Variants in CEP135 observed in about 807,000 individuals in gnomAD.
CEP135 encodes the protein centrosomal protein 135.
In CEP135, 142 loss-of-function variants were observed where a neutral mutation model predicts 157.3. The ratio of observed to expected loss-of-function variants is 0.90; its 90% CI spans 0.79 to 1.04. The LOEUF (loss-of-function observed/expected upper bound fraction) is 1.04. Ranked by LOEUF, CEP135 falls within the 50% of genes least tolerant of loss-of-function variation. The pLI is 0.00. For synonymous variants in CEP135, 396 were observed against 439.8 expected (o/e 0.90, Z 1.25); for missense variants, 1,317 against 1,309.2 (o/e 1.01, Z -0.09).
chr4:56,011,522 G>T lies in CEP135; in HGVS notation c.2616G>T (p.Lys872Asn), dbSNP rs1257761762. The change falls in exon 20 of 26, where the codon AAG (lysine) becomes AAT (asparagine). Residue 872 changes from lysine to asparagine, a missense_variant and splice_region_variant. Transcript: ENST00000257287. ...GATGGGAGAGCTTAATGGCTGCCAA[G>T]GTGAAAAATATTATTTAGGTTGGAT... ...VSRWESLMAA[K>N]EKENQDLLDR... The T allele has an allele frequency of 9.5e-6, 15 of 1,585,652 alleles. No individual in the cohort carries two copies. The highest frequency in any genetic ancestry group is 1.4e-5 in the African/African-American group (1 of 73,152).
At chr4:55,957,427 T>C (rs1355289007) in intron 5 of CEP135, 63 bp downstream of exon 5, 1 of 1,512,868 alleles carries the variant, frequency 6.6e-7, no homozygotes, top group Non-Finnish European at 9.0e-7. Context: ...GTAAGTTTCT[T>C]GATAGGAGGG....
In CEP135 at chr4:56,009,745, G is replaced by GA; in HGVS notation, c.2350dup (p.Thr784AsnfsTer4). 1 of 1,598,986 alleles carries GA rather than the reference G, an allele frequency of 6.3e-7. No homozygotes were observed. Among genetic ancestry groups the GA allele is most frequent in the Non-Finnish European group, 8.5e-7 (1 of 1,176,402 alleles). On this transcript the variant is annotated frameshift_variant, in exon 19 of 26. Coordinates refer to ENST00000257287, the MANE Select transcript of CEP135 (RefSeq NM_025009.5). LOFTEE classifies it high-confidence loss of function. ...TCACTCATTTAACAGCCAGCTGAAA[G>GA]AAACATTGGTTAATCGAGATCGTGA...
At chr4:55,976,188 AG>A (rs1729208008) in intron 11 of CEP135, among the ~76,000 whole-genome samples, 1 of 151,564 alleles carries the variant, frequency 6.6e-6, no homozygotes, top group South Asian at 2.1e-4. Context: ...CAGGAGTTCG[AG>A]GCTGCAGTGA....
At chr4:55,964,735 C>A (rs1728790256) in intron 7 of CEP135, 1 of 158,334 alleles carries the variant, frequency 6.3e-6, no homozygotes, top group Admixed American at 6.4e-5. Flanking sequence ...AGAGAATATA[C>A]CAAAGTATAC....
Position 56,011,402 on chromosome 4 carries a change from T to C in CEP135, c.2506-10T>C. The C allele has an allele frequency of 6.4e-7, 1 of 1,561,174 alleles. No homozygotes were observed. The highest frequency in any genetic ancestry group is 1.2e-5 in the South Asian group (1 of 85,174). Reference sequence around the variant, plus strand: ...TCATTTTAGATTGTCTTTAATTTTCTGATTTGTAGGAAATCTCATTGGAAT... The same window carrying C: ...TCATTTTAGATTGTCTTTAATTTTCCGATTTGTAGGAAATCTCATTGGAAT... On this transcript the variant is annotated splice_polypyrimidine_tract_variant and intron_variant, in intron 19 of 25. Transcript: ENST00000257287.
At chr4:55,994,702 T>C (rs920219546) in intron 15 of CEP135, among the ~76,000 whole-genome samples, 36 of 151,742 alleles carry the variant, frequency 2.4e-4, no homozygotes, top group Non-Finnish European at 4.9e-4. Flanking sequence ...TTTTTTTTTT[T>C]TGAGACGGAG....
chr4:55,952,350 C>T (rs1429963597), intron 2 of CEP135, 107 bp downstream of exon 2: 1 of 678,156 alleles, frequency 1.5e-6, no homozygotes, highest in Non-Finnish European at 2.6e-6. Context: ...TCCGGAAAGG[C>T]TTTCAATCAT....
chr4:56,020,300 AG>A (rs1730931207), intron 23 of CEP135, among the ~76,000 whole-genome samples: 1 of 152,202 alleles, frequency 6.6e-6, no homozygotes, highest in Non-Finnish European at 1.5e-5. Context: ...TTGTAGGAAG[AG>A]GGAAAGAAAC....
chr4:55,963,120 C>T (rs1728735942), intron 6 of CEP135, among the ~76,000 whole-genome samples: 1 of 152,214 alleles, frequency 6.6e-6, no homozygotes, highest in African/African-American at 2.4e-5. Context: ...GCATACCACT[C>T]ACCAAGTTCT....
At chr4:56,013,048 C>T (rs1730646334) in intron 21 of CEP135, among the ~76,000 whole-genome samples, 1 of 152,138 alleles carries the variant, frequency 6.6e-6, no homozygotes, top group African/African-American at 2.4e-5. Flanking sequence ...CATATCCTTG[C>T]CAACACTTGT....
chr4:55,962,556 A>G (rs939965250), intron 6 of CEP135, among the ~76,000 whole-genome samples: 1 of 152,032 alleles, frequency 6.6e-6, no homozygotes, highest in Non-Finnish European at 1.5e-5. Context: ...TTCTGCACTC[A>G]CTATGTGAAC....
Position 55,954,493 on chromosome 4 carries a change from T to G in CEP135, c.472+110T>G, listed in dbSNP as rs1728451709. ...TTGGATTTTCATGCTTAGACTTTAG[T>G]GTTTGAAAATATATATTGAATAGAC... On this transcript the variant is annotated intron_variant, in intron 4 of 25. Transcript: ENST00000257287. 6.8e-6 allele frequency: 6 copies of G among 884,692 alleles called. No individual in the cohort carries two copies. The South Asian group carries it at 1.3e-4, about 19-fold the overall frequency. The allele number at this position is 884,692 out of a possible 1,614,324, so 54.8% of individuals were successfully genotyped here. A position where few individuals can be genotyped will look rare whatever the true frequency, so the allele number is the denominator to read the frequency against.
rs797004954 is a variant in CEP135, at chr4:56,019,555, T to C, written c.3215T>C (p.Leu1072Ser). Residue 1072 changes from leucine to serine, a missense_variant and splice_region_variant, in exon 23 of 26, where the codon TTA becomes TCA. Physicochemically the swap from Leu to Ser is moderately radical, Grantham distance 145 (BLOSUM62 -2). Transcript: ENST00000257287. ...AAGTTAACCCTTTCTGAAAGCAAATTGTAAGTGTCTTAAGTCAACTTATGC... is the reference window on the plus strand; with the variant it reads ...AAGTTAACCCTTTCTGAAAGCAAATCGTAAGTGTCTTAAGTCAACTTATGC... The part of the protein sequence containing the change: ...KEKLTLSESK[L>S]TSQSRENTML... 16 of 1,606,014 alleles carry C rather than the reference T, an allele frequency of 1.0e-5. No individual in the cohort carries two copies. The African/African-American group carries it at 2.1e-4, about 22-fold the overall frequency.
chr4:56,024,477 C>A, intron 24 of CEP135, 24 bp from the exon 25 acceptor site: 1 of 1,573,044 alleles, frequency 6.4e-7, no homozygotes, highest in South Asian at 1.1e-5. Flanking sequence ...GAATATATCT[C>A]TCTTGTTTGA....
chr4:55,975,147 A>G (rs1729159493), intron 11 of CEP135, among the ~76,000 whole-genome samples, 178 bp downstream of exon 11: 2 of 152,226 alleles, frequency 1.3e-5, no homozygotes, highest in African/African-American at 4.8e-5. Context: ...AAATTACTTA[A>G]GAACAAACTA....
chr4:55,958,206 A>G lies in CEP135; in HGVS notation c.614+842A>G, dbSNP rs371090106. Among the ~76,000 whole-genome samples, 54 of 152,334 alleles carry G rather than the reference A, an allele frequency of 3.5e-4. 2 individuals are homozygous for G. The highest frequency in any genetic ancestry group is 1.3e-3 in the African/African-American group (53 of 41,582). Reference sequence around the variant, plus strand: ...TCCCAGCACTTTGGGAGGCCAAGGCAGGAGGATCGCTTGAACCCATGAATT... The same window carrying G: ...TCCCAGCACTTTGGGAGGCCAAGGCGGGAGGATCGCTTGAACCCATGAATT... On this transcript the variant is annotated intron_variant, in intron 5 of 25. Transcript: ENST00000257287.
chr4:55,990,323 A>C (rs1729742985), intron 14 of CEP135, among the ~76,000 whole-genome samples: 1 of 152,146 alleles, frequency 6.6e-6, no homozygotes, highest in Admixed American at 6.5e-5. Flanking sequence ...AGGGGAGATA[A>C]AATATGTGTG....
chr4:55,985,557 C>T (rs892093535), intron 14 of CEP135, among the ~76,000 whole-genome samples, 199 bp downstream of exon 14: 9 of 152,062 alleles, frequency 5.9e-5, no homozygotes, highest in Non-Finnish European at 7.4e-5. Flanking sequence ...CAGCTTCAAG[C>T]GATTCTCCTG....
chr4:56,003,341 G>T (rs1381940949), intron 17 of CEP135, among the ~76,000 whole-genome samples: 1 of 151,906 alleles, frequency 6.6e-6, no homozygotes, highest in Admixed American at 6.6e-5. Flanking sequence ...GAGTAGCTGG[G>T]ACTGTAGGTG....
Sources: allele counts gnomAD v4.1 joint callset (sites outside exome capture counted in the v4.1 genomes callset), GRCh38; gene constraint gnomAD v4.1.1; transcripts MANE v1.5; gene names NCBI Gene and HGNC (gene_info 2026-07-23, HGNC 2026-07-21).